The following FAM171B variants were observed in gnomAD, a reference collection of about 807,000 sequenced individuals.
The protein encoded by FAM171B is protein FAM171B.
A neutral mutation model predicts 75.6 loss-of-function variants in FAM171B; 19 were observed. The ratio of observed to expected loss-of-function variants is 0.25; its 90% CI spans 0.18 to 0.37. FAM171B has a LOEUF of 0.37. Among genes scored for constraint, FAM171B ranks in the 10% least tolerant of loss-of-function variants. The pLI is 1.00. For missense variants in FAM171B, 848 were observed against 982.4 expected (o/e 0.86, Z 1.83); for synonymous variants, 367 against 361.7 (o/e 1.01, Z -0.17).
chr2:186,740,362 AT>A lies in FAM171B; in HGVS notation c.374del (p.Ile125LysfsTer7). ...TVTKSNGAVL[I>X]KVPYKLGLSL... ...AACTAAAAGCAATGGAGCAGTGCTG[AT>A]AAAAGTACCCTACAAATTAGGACTT... On this transcript the variant is annotated frameshift_variant, in exon 2 of 8. Transcript: ENST00000304698. LOFTEE classifies it high-confidence loss of function. 6.2e-7 allele frequency: 1 copy of A among 1,614,114 alleles called. No homozygotes were observed. The highest frequency in any genetic ancestry group is 1.3e-5 in the African/African-American group (1 of 75,054).
chr2:186,724,385 A>C (rs145905823), intron 1 of FAM171B, among the ~76,000 whole-genome samples: 1 of 152,312 alleles, frequency 6.6e-6, no homozygotes, highest in East Asian at 1.9e-4. Context: ...ATGTGTCCAC[A>C]TGACCAATGC....
intron 1 of FAM171B, among the ~76,000 whole-genome samples, chr2:186,729,087 G>A (rs183398420): frequency 6.6e-5 from 10 of 151,954 alleles, no homozygotes; most frequent in East Asian, 3.9e-4. Context: ...ACTACTTAAC[G>A]ATGCTTGTAA....
At chr2:186,699,909 C>A (rs1206850298) in intron 1 of FAM171B, among the ~76,000 whole-genome samples, 4 of 152,046 alleles carry the variant, frequency 2.6e-5, no homozygotes, top group Non-Finnish European at 5.9e-5. Flanking sequence ...TTCTTGGCAA[C>A]TTGGTTGAAA....
At position 186,740,431 on chromosome 2, in the gene FAM171B, C is replaced by T. The variant is rs1223117258; in HGVS notation, c.442C>T (p.Pro148Ser). 6.2e-7 allele frequency: 1 copy of T among 1,612,356 alleles called. No homozygotes were observed. The highest frequency in any genetic ancestry group is 1.7e-5 in the Admixed American group (1 of 59,926). The part of the protein sequence containing the change: ...IAYKDGYVLT[P>S]LPWKTRRMPI... The stretch of plus-strand genomic sequence containing the variant: ...TTACAAAGATGGCTACGTGTTGACC[C>T]CTCTGCCTTGGAAAACCAGAAGAAT... The change falls in exon 2 of 8, where the codon CCT (proline) becomes TCT (serine). Residue 148 changes from proline (P) to serine (S), a missense_variant. Pro to Ser is a moderately conservative substitution (Grantham distance 74). This residue lies in a region of FAM171B where 665 missense variants were observed against 729.0 expected (regional missense o/e 0.91). Transcript: ENST00000304698.
chr2:186,727,533 T>C (rs1261613112), intron 1 of FAM171B, among the ~76,000 whole-genome samples: 2 of 152,184 alleles, frequency 1.3e-5, no homozygotes, highest in African/African-American at 4.8e-5. Context: ...TTGTAGCAAG[T>C]GTAGCCATAG....
At chr2:186,725,237 G>A (rs1690014130) in intron 1 of FAM171B, among the ~76,000 whole-genome samples, 1 of 151,968 alleles carries the variant, frequency 6.6e-6, no homozygotes, top group Non-Finnish European at 1.5e-5. Flanking sequence ...CCAGCTACTT[G>A]GGAGGCTGAA....
intron 6 of FAM171B, among the ~76,000 whole-genome samples, chr2:186,760,873 G>A (rs557402582): frequency 6.6e-6 from 1 of 152,042 alleles, no homozygotes; most frequent in East Asian, 1.9e-4. Flanking sequence ...TTGAGCAAGA[G>A]GGCAGAGCCA....
At chr2:186,753,271 C>T (rs1173585238) in intron 5 of FAM171B, among the ~76,000 whole-genome samples, 1 of 152,120 alleles carries the variant, frequency 6.6e-6, no homozygotes. Context: ...GCCTCAGCCT[C>T]CTGAGTATGT....
chr2:186,762,931 T>TG lies in FAM171B; in HGVS notation c.*110dup. The TG allele has an allele frequency of 1.5e-6, 2 of 1,334,292 alleles. No individual in the cohort carries two copies. The highest frequency in any genetic ancestry group is 2.9e-5 in the South Asian group (2 of 68,370). 82.7% of individuals were successfully genotyped at this position (1,334,292 alleles called of 1,614,324 possible). A position where few individuals can be genotyped will look rare whatever the true frequency, so the allele number is the denominator to read the frequency against. ...TGAGACTGAGCAATCTCATGGTTCT[T>TG]GGACATGTCTCAAGCAGAGTAAATG... On this transcript the variant is annotated 3_prime_UTR_variant, in exon 8 of 8. Transcript: ENST00000304698. The surrounding 1 kb of genome is among the most constrained non-coding windows in gnomAD (Gnocchi z 4.0).
Position 186,762,562 on chromosome 2 carries a change from T to C in FAM171B, c.2220T>C (p.Asp740=), listed in dbSNP as rs759692361. The C allele has an allele frequency of 6.2e-7, 1 of 1,613,384 alleles. No homozygotes were observed. The highest frequency in any genetic ancestry group is 8.5e-7 in the Non-Finnish European group (1 of 1,179,670). ...MHQPKILYLE[D]LDLSSSESGT... is the part of the protein sequence containing the mutation. Reference sequence around the variant, plus strand: ...AGCCCAAGATCCTTTACTTAGAAGATTTAGACCTAAGCAGCAGTGAGAGTG... The same window carrying C: ...AGCCCAAGATCCTTTACTTAGAAGACTTAGACCTAAGCAGCAGTGAGAGTG... Residue 740 remains aspartate (D), a synonymous_variant, in exon 8 of 8, where the codon GAT becomes GAC. Transcript: ENST00000304698. The surrounding 1 kb of genome is among the most constrained non-coding windows in gnomAD (Gnocchi z 4.0).
chr2:186,722,689 G>C (rs10755000), intron 1 of FAM171B, among the ~76,000 whole-genome samples: 71,513 of 151,960 alleles, frequency 0.47, 17,832 homozygotes, highest in South Asian at 0.61. Context: ...TAGAGATGAT[G>C]GCCTTTGGGC....
chr2:186,761,113 G>A lies in FAM171B; in HGVS notation c.1013G>A (p.Gly338Asp), dbSNP rs1241873387. 6.2e-7 allele frequency: 1 copy of A among 1,606,862 alleles called. No individual in the cohort carries two copies. Among genetic ancestry groups the A allele is most frequent in the Non-Finnish European group, 8.5e-7 (1 of 1,176,934 alleles). ...WIAAPLPGTR[G>D]SGINEDSKDI... ...TCTTTGTTTATATTGAACCATGTAGGTTCAGGTATAAATGAAGATTCCAAG... is the reference window on the plus strand; with the variant it reads ...TCTTTGTTTATATTGAACCATGTAGATTCAGGTATAAATGAAGATTCCAAG... Residue 338 changes from glycine to aspartate, a missense_variant and splice_region_variant, in exon 7 of 8, where the codon GGT (glycine) becomes GAT (aspartate). By Grantham distance (94) the Gly-to-Asp change is moderately conservative (BLOSUM62 -1). Transcript: ENST00000304698.
chr2:186,743,183 C>G (rs1387110252), intron 2 of FAM171B, among the ~76,000 whole-genome samples: 1 of 152,122 alleles, frequency 6.6e-6, no homozygotes, highest in East Asian at 1.9e-4. Flanking sequence ...TTAACTTGAT[C>G]ATTTATATCT....
At chr2:186,713,769 C>T (rs985892049) in intron 1 of FAM171B, among the ~76,000 whole-genome samples, 1 of 152,140 alleles carries the variant, frequency 6.6e-6, no homozygotes, top group African/African-American at 2.4e-5. Context: ...TGGAACATTA[C>T]CTAAAGCAAG....
intron 1 of FAM171B, among the ~76,000 whole-genome samples, chr2:186,716,582 C>G (rs1269076599): frequency 8.6e-5 from 13 of 152,040 alleles, no homozygotes. Flanking sequence ...ATATATAAGC[C>G]ACACTGATTG....
chr2:186,729,035 C>A lies in FAM171B; in HGVS notation c.239-11193C>A, dbSNP rs77445771. On this transcript the variant is annotated intron_variant, in intron 1 of 7. Coordinates refer to ENST00000304698, the MANE Select transcript of FAM171B (RefSeq NM_177454.4). ...TTTTAATATTTTTTTCTAGAATATTCCTTTATACCTATTTATTATTATTTG... is the reference window on the plus strand; with the variant it reads ...TTTTAATATTTTTTTCTAGAATATTACTTTATACCTATTTATTATTATTTG... Among the ~76,000 whole-genome samples, 6 of 152,138 alleles carry A rather than the reference C, an allele frequency of 3.9e-5. No homozygotes were observed. The East Asian group carries it at 1.2e-3, about 29-fold the overall frequency.
At chr2:186,738,034 A>G (rs1033297495) in intron 1 of FAM171B, among the ~76,000 whole-genome samples, 2 of 152,194 alleles carry the variant, frequency 1.3e-5, no homozygotes, top group Non-Finnish European at 2.9e-5. Flanking sequence ...GGGTGCTGGC[A>G]TCTAGACTAG....
intron 1 of FAM171B, among the ~76,000 whole-genome samples, chr2:186,705,581 G>C (rs1340862158): frequency 1.3e-5 from 2 of 152,098 alleles, no homozygotes; most frequent in South Asian, 2.1e-4. Context: ...AACCTACCAT[G>C]GTTAATTAAG....
In FAM171B at chr2:186,762,147, A is replaced by G. The variant is rs1442016464; in HGVS notation, c.1805A>G (p.Glu602Gly). The G allele has an allele frequency of 1.2e-6, 2 of 1,613,656 alleles. No homozygotes were observed. The highest frequency in any genetic ancestry group is 2.2e-5 in the South Asian group (2 of 91,072). ...HSHAQPPDAR[E>G]EDIILEGQQS... ...CATGCACAGCCCCCAGATGCCAGGG[A>G]AGAGGATATCATACTTGAAGGTCAA... is the stretch of plus-strand genomic sequence containing the variant. The change falls in exon 8 of 8, where the codon GAA (glutamate) becomes GGA (glycine). Residue 602 changes from glutamate (E) to glycine (G), a missense_variant. By Grantham distance (98) the Glu-to-Gly change is moderately conservative. This residue lies in a region of FAM171B where 665 missense variants were observed against 729.0 expected (regional missense o/e 0.91). Transcript: ENST00000304698. This position sits in a 1 kb window ranked among gnomAD's most constrained non-coding sequence, Gnocchi z 4.0.
Sources: gnomAD v4.1 joint callset for allele counts (sites outside exome capture counted in the v4.1 genomes callset) on GRCh38, gnomAD v4.1.1 for gene constraint, gnomAD v4.1.1 regional missense constraint, Gnocchi (gnomAD v3.1) non-coding constraint, MANE v1.5 for transcripts, NCBI Gene and HGNC (gene_info 2026-07-23, HGNC 2026-07-21) for gene names.